Variants in RNF213 observed in about 807,000 individuals in gnomAD.
The protein encoded by RNF213 is ring finger protein 213, also known as E3 ubiquitin-protein ligase RNF213.
Under a neutral mutation model 514.4 loss-of-function variants are expected in RNF213, and 341 were observed. That is an observed-to-expected ratio of 0.66 (90% confidence interval 0.61 to 0.73). The LOEUF is 0.73. Among genes scored for constraint, RNF213 ranks in the 30% least tolerant of loss-of-function variants. RNF213 has a pLI of 0.00. For missense variants in RNF213, 5,767 were observed against 6,615.6 expected, an observed-to-expected ratio of 0.87 and a Z score of 4.45; for synonymous variants, 2,655 against 2,658.2, an observed-to-expected ratio of 1.00 and a Z score of 0.04.
Position 80,377,662 on chromosome 17 carries a change from T to C in RNF213, c.13511-100T>C, listed in dbSNP as rs749187452. The stretch of plus-strand genomic sequence containing the variant: ...GATGCTCTGGACAGTCATTCTCATA[T>C]TGTGGTCAGGGCCAGAGAGTAGAGA... On this transcript the variant is annotated intron_variant, in intron 53 of 67. Coordinates refer to ENST00000582970, the MANE Select transcript of RNF213 (RefSeq NM_001256071.3). The surrounding 1 kb of genome is among the most constrained non-coding windows in gnomAD (Gnocchi z 4.1). 5 of 1,283,494 alleles carry C rather than the reference T, an allele frequency of 3.9e-6. No individual in the cohort carries two copies. Among genetic ancestry groups the C allele is most frequent in the East Asian group, 2.3e-5 (1 of 43,380 alleles). 79.5% of individuals were successfully genotyped at this position (1,283,494 alleles called of 1,614,324 possible).
intron 49 of RNF213, among the ~76,000 whole-genome samples, chr17:80,373,419 G>A (rs990644413): frequency 6.6e-6 from 1 of 151,750 alleles, no homozygotes; most frequent in Non-Finnish European, 1.5e-5. Context: ...GAAACCTGCC[G>A]CTTGTCTGTC....
intron 11 of RNF213, among the ~76,000 whole-genome samples, chr17:80,302,614 G>A (rs1002539434): frequency 2.0e-5 from 3 of 152,128 alleles, no homozygotes; most frequent in African/African-American, 7.2e-5. Context: ...CCAGTACTTT[G>A]GGAGGCCCAG....
chr17:80,319,625 T>C, intron 17 of RNF213: 1 of 1,525,902 alleles, frequency 6.6e-7, no homozygotes, highest in Non-Finnish European at 8.8e-7. Flanking sequence ...GTCATCACTG[T>C]GGCTGCTGGT....
In RNF213 at chr17:80,354,076, A is replaced by G. The variant is rs148653181; in HGVS notation, c.10636A>G (p.Met3546Val). The G allele has an allele frequency of 1.2e-4, 191 of 1,614,066 alleles. 1 individual carries two copies. The African/African-American group carries it at 1.9e-3, about 16-fold the overall frequency. ...LRSCVQSAVG[M>V]LRDQNESCTR... Reference sequence around the variant, plus strand: ...AAGCTGTGTGCAGAGCGCCGTGGGCATGCTCAGAGACCAGAACGAGAGCTG... The same window carrying G: ...AAGCTGTGTGCAGAGCGCCGTGGGCGTGCTCAGAGACCAGAACGAGAGCTG... The change falls in exon 35 of 68, where the codon ATG (methionine) becomes GTG (valine). Residue 3546 changes from methionine to valine, a missense_variant. Physicochemically the swap from Met to Val is conservative, Grantham distance 21. Around this residue, in one of 13 missense-constraint regions of RNF213, gnomAD observed 919 missense variants for 1,121.0 expected, o/e 0.82. Transcript: ENST00000582970.
At chr17:80,267,217 CAAAA>C (rs201148773) in intron 2 of RNF213, among the ~76,000 whole-genome samples, 2,841 of 111,932 alleles carry the variant, frequency 0.025, 55 homozygotes, top group East Asian at 0.14. Flanking sequence ...GACTCTGTCT[CAAAA>C]AAAAAAAAGA....
Position 80,372,548 on chromosome 17 carries a change from T to A in RNF213, c.12565T>A (p.Tyr4189Asn), listed in dbSNP as rs1161892075. Residue 4189 changes from tyrosine to asparagine, a missense_variant, in exon 48 of 68, where the codon TAC becomes AAC. Transcript: ENST00000582970. ...EDSILEKTSA[Y>N]SRNDELNHLE... is the part of the protein sequence containing the mutation. ...TTCAATACTTGAGAAGACCAGTGCT[T>A]ACTCCAGAAATGATGAACTGAACCA... 1 of 1,613,754 alleles carries A rather than the reference T, an allele frequency of 6.2e-7. No homozygotes were observed. Among genetic ancestry groups the A allele is most frequent in the Non-Finnish European group, 8.5e-7 (1 of 1,179,814 alleles).
At chr17:80,331,909 G>A (rs970934695) in intron 20 of RNF213, 97 bp from the exon 21 acceptor site, 74 of 1,389,016 alleles carry the variant, frequency 5.3e-5, no homozygotes, top group African/African-American at 2.9e-4. Flanking sequence ...TCTTGAGTTC[G>A]CTCAGAGAAG....
At position 80,294,749 on chromosome 17, in the gene RNF213, A is replaced by G; in HGVS notation, c.1501A>G (p.Met501Val). 1 of 1,614,036 alleles carries G rather than the reference A, an allele frequency of 6.2e-7. No homozygotes were observed. The highest frequency in any genetic ancestry group is 8.5e-7 in the Non-Finnish European group (1 of 1,180,014). The change falls in exon 9 of 68, where the codon ATG becomes GTG. Residue 501 changes from methionine (M) to valine (V), a missense_variant. This residue lies in a region of RNF213 where 592 missense variants were observed against 673.9 expected (regional missense o/e 0.88). Coordinates refer to ENST00000582970, the MANE Select transcript of RNF213 (RefSeq NM_001256071.3). ...GCATCAGTACTATGACATAGTTTAT[A>G]TGAAGCCTCATGGGAGACTCCAGAA... ...DWHQYYDIVY[M>V]KPHGRLQKVM...
chr17:80,351,644 T>G (rs764662888), intron 31 of RNF213, 41 bp from the exon 32 acceptor site: 1 of 1,077,992 alleles, frequency 9.3e-7, no homozygotes, highest in South Asian at 1.3e-5. Context: ...GTGTGTGTGT[T>G]TGTTTTTAAA....
intron 20 of RNF213, among the ~76,000 whole-genome samples, chr17:80,331,376 T>G (rs1423750875): frequency 6.7e-6 from 1 of 148,580 alleles, no homozygotes; most frequent in Admixed American, 6.8e-5. Flanking sequence ...CCTCCTGTCC[T>G]TGTCAGTTTA....
rs766463810 is a variant in RNF213, at chr17:80,361,817, G to A, written c.11284G>A (p.Glu3762Lys). ...LAQLHGEPQQ[E>K]LLQCYLKDFI... ...CCAGCTCCATGGAGAGCCGCAGCAGGAACTTCTTCAGTGTTACTTGAAGGA... is the reference window on the plus strand; with the variant it reads ...CCAGCTCCATGGAGAGCCGCAGCAGAAACTTCTTCAGTGTTACTTGAAGGA... Residue 3762 changes from glutamate (E) to lysine (K), a missense_variant, in exon 39 of 68, where the codon GAA becomes AAA. This residue lies in a region of RNF213 where 355 missense variants were observed against 358.0 expected (regional missense o/e 0.99). Transcript: ENST00000582970. The A allele has an allele frequency of 9.9e-6, 16 of 1,614,094 alleles. No homozygotes were observed. The highest frequency in any genetic ancestry group is 1.3e-5 in the Non-Finnish European group (15 of 1,179,964).
chr17:80,353,039 C>T lies in RNF213; in HGVS notation c.10403C>T (p.Ala3468Val), dbSNP rs142798005. The T allele has an allele frequency of 1.8e-4, 294 of 1,613,060 alleles. 2 individuals carry two copies. The East Asian group carries it at 5.0e-3, about 28-fold the overall frequency. The change falls in exon 33 of 68, where the codon GCG becomes GTG. Residue 3468 changes from alanine to valine, a missense_variant. Ala to Val is a moderately conservative substitution (Grantham distance 64). Transcript: ENST00000582970. This position sits in a 1 kb window ranked among gnomAD's most constrained non-coding sequence, Gnocchi z 5.0. ...LQHVTISQLFAPGDLPELGLE... is the reference protein window; with the variant it reads ...LQHVTISQLFVPGDLPELGLE... ...CATGTCACCATCAGCCAGCTGTTCG[C>T]GCCCGGAGACTTGCCTGAGCGTGAG... is the stretch of plus-strand genomic sequence containing the variant.
chr17:80,388,157 G>A (rs984680836), intron 63 of RNF213, among the ~76,000 whole-genome samples: 2 of 152,164 alleles, frequency 1.3e-5, no homozygotes, highest in African/African-American at 2.4e-5. Context: ...GTAGAGACGG[G>A]GTTTCACCAT....
chr17:80,342,295 T>C (rs1357361476), intron 26 of RNF213, among the ~76,000 whole-genome samples: 1 of 152,172 alleles, frequency 6.6e-6, no homozygotes, highest in African/African-American at 2.4e-5. Flanking sequence ...TCACAATGCA[T>C]TTTTCAGAAC....
chr17:80,328,584 T>A (rs921477543), intron 20 of RNF213, 107 bp downstream of exon 20: 1 of 1,217,326 alleles, frequency 8.2e-7, no homozygotes, highest in Non-Finnish European at 1.1e-6. Context: ...GAGAAGGCTT[T>A]AAAATTTTTT....
Position 80,291,946 on chromosome 17 carries a change from C to G in RNF213, c.1471+119C>G. ...TGCCTGGGCAGTGAGGTCCTCTTTG[C>G]TCTGCATTGACCCCGCCCCAGCCTC... On this transcript the variant is annotated intron_variant, in intron 8 of 67. Coordinates refer to ENST00000582970, the MANE Select transcript of RNF213 (RefSeq NM_001256071.3). The G allele has an allele frequency of 3.7e-6, 4 of 1,073,968 alleles. No homozygotes were observed. The South Asian group carries it at 5.3e-5, about 14-fold the overall frequency. The allele number at this position is 1,073,968 out of a possible 1,614,324, so 66.5% of individuals were successfully genotyped here. A position where few individuals can be genotyped will look rare whatever the true frequency, so the allele number is the denominator to read the frequency against.
At chr17:80,323,021 A>C (rs1386197437) in intron 17 of RNF213, among the ~76,000 whole-genome samples, 1 of 152,160 alleles carries the variant, frequency 6.6e-6, no homozygotes, top group East Asian at 1.9e-4. Context: ...TAGCTCTTAC[A>C]TGTAGGCCTT....
At chr17:80,392,741 C>T (rs778597109) in intron 67 of RNF213, among the ~76,000 whole-genome samples, 2 of 152,080 alleles carry the variant, frequency 1.3e-5, no homozygotes, top group Admixed American at 6.5e-5. Context: ...AGGCACCCAC[C>T]GCCATGCCTG....
At chr17:80,389,412 G>T (rs1165757254) in intron 65 of RNF213, 45 bp downstream of exon 65, 1 of 1,562,414 alleles carries the variant, frequency 6.4e-7, no homozygotes, top group South Asian at 1.1e-5. Context: ...CCCTCACCCT[G>T]GTCTCCTGCT....
Sources: allele counts gnomAD v4.1 joint callset (sites outside exome capture counted in the v4.1 genomes callset), GRCh38; gene constraint gnomAD v4.1.1; regional missense constraint gnomAD v4.1.1; non-coding constraint Gnocchi (gnomAD v3.1); transcripts MANE v1.5; gene names NCBI Gene and HGNC (gene_info 2026-07-23, HGNC 2026-07-21).